PCDHA1: variants seen among roughly 807,000 people sequenced by gnomAD.
PCDHA1 encodes the protein protocadherin alpha 1, also known as protocadherin alpha-1.
A neutral mutation model predicts 61.3 loss-of-function variants in PCDHA1; 42 were observed. The observed-to-expected ratio is 0.69, with a 90% CI of 0.54 to 0.89. PCDHA1 has a LOEUF of 0.89. Ranked by LOEUF, PCDHA1 falls within the 40% of genes least tolerant of loss-of-function variation. The pLI is 0.00. For missense variants in PCDHA1, 1,256 were observed against 1,235.3 expected, an observed-to-expected ratio of 1.02 and a Z score of -0.25; for synonymous variants, 610 against 553.8, an observed-to-expected ratio of 1.10 and a Z score of -1.43.
rs370111655 is a variant in PCDHA1, at chr5:140,902,185, TTCTC to T, written c.2395-76752_2395-76749del. Reference sequence around the variant, plus strand: ...TTCTAATTTGGATGTCCTTTATGTCTTCTCTCTCTCTCTCTTTCTTTTTTTTTTT... The same window carrying T: ...TTCTAATTTGGATGTCCTTTATGTCTTCTCTCTCTCTTTCTTTTTTTTTTT... On this transcript the variant is annotated intron_variant, in intron 1 of 3. Coordinates refer to ENST00000504120, the MANE Select transcript of PCDHA1 (RefSeq NM_018900.4). Among the ~76,000 whole-genome samples, 704 of 150,894 alleles carry T rather than the reference TTCTC, an allele frequency of 4.7e-3. 6 individuals carry two copies. Among genetic ancestry groups the T allele is most frequent in the African/African-American group, 0.015 (608 of 41,076 alleles).
chr5:140,961,549 T>C (rs782360372), intron 1 of PCDHA1, among the ~76,000 whole-genome samples: 3 of 152,220 alleles, frequency 2.0e-5, no homozygotes, highest in Non-Finnish European at 4.4e-5. Flanking sequence ...CTGCAGCATT[T>C]CTTTTTTTAA....
chr5:140,866,519 A>G (rs940195026), intron 1 of PCDHA1: 8 of 152,312 alleles, frequency 5.3e-5, no homozygotes, highest in African/African-American at 1.9e-4. Context: ...TGACTAAGCC[A>G]TGATAGAGCA....
intron 1 of PCDHA1, among the ~76,000 whole-genome samples, chr5:140,791,440 TAAC>T (rs1761650407): frequency 1.3e-5 from 2 of 152,184 alleles, no homozygotes; most frequent in Admixed American, 1.3e-4. Flanking sequence ...AAGTCCCCAA[TAAC>T]TACAAAGGAC....
intron 1 of PCDHA1, among the ~76,000 whole-genome samples, chr5:140,904,088 TA>T (rs1486110849): frequency 9.8e-5 from 15 of 152,340 alleles, no homozygotes; most frequent in Admixed American, 2.6e-4. Flanking sequence ...GTTACATGAA[TA>T]ACTACTTTAG....
chr5:140,994,258 G>A (rs2097608740), intron 3 of PCDHA1, among the ~76,000 whole-genome samples: 1 of 152,122 alleles, frequency 6.6e-6, no homozygotes, highest in Admixed American at 6.5e-5. Flanking sequence ...GGTAAATAAG[G>A]TAAGCTAGGC....
chr5:140,836,113 TGA>T, intron 1 of PCDHA1: 1 of 1,613,528 alleles, frequency 6.2e-7, no homozygotes, highest in Non-Finnish European at 8.5e-7. Flanking sequence ...GGTGGCGCAG[TGA>T]GAGAGCTTGT....
chr5:140,954,271 A>G (rs1284942355), intron 1 of PCDHA1, among the ~76,000 whole-genome samples: 2 of 152,140 alleles, frequency 1.3e-5, no homozygotes, highest in South Asian at 2.1e-4. Context: ...TTATAATAGG[A>G]TGATTTATAT....
At chr5:140,965,066 G>A (rs931765352) in intron 1 of PCDHA1, among the ~76,000 whole-genome samples, 3 of 152,164 alleles carry the variant, frequency 2.0e-5, no homozygotes, top group Non-Finnish European at 4.4e-5. Flanking sequence ...CAAATGTCAG[G>A]TCTCACTCTG....
chr5:140,923,527 C>T (rs2081405445), intron 1 of PCDHA1, among the ~76,000 whole-genome samples: 1 of 151,652 alleles, frequency 6.6e-6, no homozygotes, highest in South Asian at 2.1e-4. Context: ...AGATTCTGTC[C>T]CAAAAAAAGG....
chr5:140,835,981 T>C, intron 1 of PCDHA1: 2 of 1,613,332 alleles, frequency 1.2e-6, no homozygotes, highest in Non-Finnish European at 8.5e-7. Context: ...CTGTTGCAGT[T>C]CCAGGTGAGC....
chr5:141,009,745 A>G lies in PCDHA1; in HGVS notation c.2661A>G (p.Lys887=). The G allele has an allele frequency of 6.2e-7, 1 of 1,614,104 alleles. No individual in the cohort carries two copies. The highest frequency in any genetic ancestry group is 8.5e-7 in the Non-Finnish European group (1 of 1,180,006). The part of the protein sequence containing the change: ...KQSGPGELPD[K]FIIPGSPAII... ...CCGGTCCCGGTGAGTTGCCCGACAA[A>G]TTCATTATCCCAGGATCTCCTGCAA... Residue 887 remains lysine, a synonymous_variant, in exon 4 of 4, where the codon AAA becomes AAG. Coordinates refer to ENST00000504120, the MANE Select transcript of PCDHA1 (RefSeq NM_018900.4).
intron 1 of PCDHA1, among the ~76,000 whole-genome samples, chr5:140,855,207 A>G (rs1554147686): frequency 6.7e-6 from 1 of 149,928 alleles, no homozygotes; most frequent in East Asian, 1.9e-4. Flanking sequence ...AATAGTTTCC[A>G]TTTATGAAGC....
At chr5:140,999,138 C>G (rs530740266) in intron 3 of PCDHA1, among the ~76,000 whole-genome samples, 1 of 152,258 alleles carries the variant, frequency 6.6e-6, no homozygotes, top group East Asian at 1.9e-4. Context: ...AATGTCACAG[C>G]CGGAAGTCTT....
intron 1 of PCDHA1, among the ~76,000 whole-genome samples, chr5:140,917,662 C>T (rs1554198266): frequency 6.6e-6 from 1 of 152,118 alleles, no homozygotes; most frequent in Admixed American, 6.6e-5. Flanking sequence ...AGTAGGAAGT[C>T]CTTTCTCCAT....
At chr5:140,972,001 A>G (rs2096512667) in intron 1 of PCDHA1, among the ~76,000 whole-genome samples, 1 of 152,202 alleles carries the variant, frequency 6.6e-6, no homozygotes, top group African/African-American at 2.4e-5. Context: ...CAATGTTTAT[A>G]TTCCCTTTTA....
At chr5:140,829,702 G>C in intron 1 of PCDHA1, 4 of 1,613,390 alleles carry the variant, frequency 2.5e-6, no homozygotes, top group Non-Finnish European at 3.4e-6. Context: ...AGGTGAGCGC[G>C]CGCGACGCGG....
chr5:140,801,486 G>C (rs1392326756), intron 1 of PCDHA1: 2 of 1,614,004 alleles, frequency 1.2e-6, no homozygotes, highest in Non-Finnish European at 1.7e-6. Context: ...GGAACTGTGC[G>C]GGCGGAGCGC....
chr5:140,849,263 T>C, intron 1 of PCDHA1: 3 of 1,126,864 alleles, frequency 2.7e-6, no homozygotes, highest in African/African-American at 1.9e-5. Context: ...AAAACGTTTC[T>C]ATCGGAACGC....
chr5:140,907,272 C>T (rs1164055585), intron 1 of PCDHA1, among the ~76,000 whole-genome samples: 1 of 152,224 alleles, frequency 6.6e-6, no homozygotes, highest in Non-Finnish European at 1.5e-5. Flanking sequence ...GCCATTCCAT[C>T]ATTCTATCAA....
Sources: gnomAD v4.1 joint callset for allele counts (sites outside exome capture counted in the v4.1 genomes callset) on GRCh38, gnomAD v4.1.1 for gene constraint, MANE v1.5 for transcripts, NCBI Gene and HGNC (gene_info 2026-07-23, HGNC 2026-07-21) for gene names.